COPS2: variants seen among roughly 807,000 people sequenced by gnomAD.
COPS2 encodes the protein COP9 signalosome complex subunit 2.
In COPS2, 10 loss-of-function variants were observed where a neutral mutation model predicts 66.1. That is an observed-to-expected ratio of 0.15 (90% confidence interval 0.09 to 0.26). COPS2 has a LOEUF of 0.26. Ranked by LOEUF, COPS2 falls within the 10% of genes least tolerant of loss-of-function variation. The pLI is 1.00. For missense variants in COPS2, 215 were observed against 513.3 expected (o/e 0.42, Z 5.62); for synonymous variants, 179 against 171.3 (o/e 1.04, Z -0.35).
At chr15:49,154,648 G>C (rs894628962) in intron 1 of COPS2, among the ~76,000 whole-genome samples, 2 of 152,098 alleles carry the variant, frequency 1.3e-5, no homozygotes, top group African/African-American at 4.8e-5. Flanking sequence ...GTTAATTCTG[G>C]ATCAAGATAA....
chr15:49,139,497 A>C, intron 4 of COPS2, 31 bp downstream of exon 4: 1 of 1,549,560 alleles, frequency 6.5e-7, no homozygotes, highest in Non-Finnish European at 8.9e-7. Flanking sequence ...AAACACACTG[A>C]TCGTCCCAAG....
chr15:49,150,987 A>G (rs1595827009), intron 1 of COPS2, among the ~76,000 whole-genome samples: 1 of 152,354 alleles, frequency 6.6e-6, no homozygotes, highest in East Asian at 1.9e-4. Context: ...AATCCCAACT[A>G]TGAGCTTGAC....
At position 49,133,746 on chromosome 15, in the gene COPS2, T is replaced by C. The variant is rs2141124726; in HGVS notation, c.947+13A>G. The C allele has an allele frequency of 1.3e-6, 2 of 1,582,340 alleles. No individual in the cohort carries two copies. The highest frequency in any genetic ancestry group is 1.2e-5 in the South Asian group (1 of 86,432). On this transcript the variant is annotated intron_variant, in intron 9 of 12. Transcript: ENST00000388901. ...TTAAGGAAATTTACCTTAACTGAAA[T>C]ACAAAATCTTACCTTACTAAATTCG...
At chr15:49,152,265 C>T (rs1419525465) in intron 1 of COPS2, among the ~76,000 whole-genome samples, 1 of 150,082 alleles carries the variant, frequency 6.7e-6, no homozygotes, top group Non-Finnish European at 1.5e-5. Context: ...TGGTAACCTG[C>T]TTCATTAATC....
At chr15:49,133,418 T>C (rs940497240) in intron 9 of COPS2, among the ~76,000 whole-genome samples, 3 of 152,258 alleles carry the variant, frequency 2.0e-5, no homozygotes, top group Non-Finnish European at 1.5e-5. Flanking sequence ...CGTAATTTCA[T>C]TCTGGATTAA....
intron 1 of COPS2, among the ~76,000 whole-genome samples, chr15:49,146,886 T>C (rs1453327129): frequency 6.6e-6 from 1 of 152,166 alleles, no homozygotes; most frequent in Admixed American, 6.5e-5. Flanking sequence ...TCCAACCTTA[T>C]CTCCTATCTA....
At position 49,126,330 on chromosome 15, in the gene COPS2, T is replaced by C. The variant is rs938838632; in HGVS notation, c.*1620A>G. On this transcript the variant is annotated 3_prime_UTR_variant, in exon 13 of 13. Transcript: ENST00000388901. The stretch of plus-strand genomic sequence containing the variant: ...ATTGCTTTTCTAAATCTAAGGATTA[T>C]ATATTTTTAGTATAAATATATATCA... The C allele has an allele frequency of 1.3e-5, 2 of 152,460 alleles. No individual in the cohort carries two copies. Among genetic ancestry groups the C allele is most frequent in the East Asian group, 3.8e-4 (2 of 5,200 alleles). 9.4% of individuals were successfully genotyped at this position (152,460 alleles called of 1,614,324 possible).
intron 10 of COPS2, among the ~76,000 whole-genome samples, chr15:49,130,204 C>T (rs547734904): frequency 4.6e-5 from 7 of 152,144 alleles, no homozygotes; most frequent in East Asian, 3.9e-4. Context: ...GTGGGAAAAT[C>T]GGAGCTATAA....
chr15:49,131,996 G>T (rs1311225747), intron 9 of COPS2, among the ~76,000 whole-genome samples: 1 of 152,038 alleles, frequency 6.6e-6, no homozygotes, highest in Non-Finnish European at 1.5e-5. Context: ...TTCTGATATA[G>T]GTCAGATAAA....
intron 1 of COPS2, among the ~76,000 whole-genome samples, chr15:49,151,372 C>T (rs2084359938): frequency 6.7e-6 from 1 of 149,206 alleles, no homozygotes; most frequent in South Asian, 2.1e-4. Flanking sequence ...TGCACTCCAG[C>T]CTAGGCGAAA....
Position 49,123,448 on chromosome 15 carries a change from T to G in COPS2, c.*4502A>C, listed in dbSNP as rs2084140177. 1 of 152,212 alleles carries G rather than the reference T, an allele frequency of 6.6e-6. No homozygotes were observed. The highest frequency in any genetic ancestry group is 1.5e-5 in the Non-Finnish European group (1 of 68,024). The allele number at this position is 152,212 out of a possible 1,614,324, so 9.4% of individuals were successfully genotyped here. On this transcript the variant is annotated 3_prime_UTR_variant, in exon 13 of 13. Coordinates refer to ENST00000388901, the MANE Select transcript of COPS2 (RefSeq NM_004236.4). ...CTTTTCATGGCATATGACATTTGCC[T>G]GTGTCAGAAATAAGTGATATTAAGT...
At position 49,128,688 on chromosome 15, in the gene COPS2, A is replaced by G. The variant is rs766996445; in HGVS notation, c.1187+14T>C. Reference sequence around the variant, plus strand: ...TACCAAATATTTTGTGATAAAAAATAGTAAAGTACTTACTTATCCAATATG... The same window carrying G: ...TACCAAATATTTTGTGATAAAAAATGGTAAAGTACTTACTTATCCAATATG... On this transcript the variant is annotated intron_variant, in intron 12 of 12. Transcript: ENST00000388901. The G allele has an allele frequency of 1.3e-6, 2 of 1,562,882 alleles. No individual in the cohort carries two copies. Among genetic ancestry groups the G allele is most frequent in the Non-Finnish European group, 1.7e-6 (2 of 1,143,760 alleles).
chr15:49,150,284 A>G (rs916256626), intron 1 of COPS2, among the ~76,000 whole-genome samples: 6 of 151,452 alleles, frequency 4.0e-5, no homozygotes, highest in Non-Finnish European at 7.4e-5. Context: ...AAAAAAATAA[A>G]TAAATAAATA....
chr15:49,134,313 T>C, intron 7 of COPS2, 27 bp downstream of exon 7: 1 of 1,606,588 alleles, frequency 6.2e-7, no homozygotes, highest in South Asian at 1.1e-5. Flanking sequence ...CCCATGCCAC[T>C]GCCCACCCTC....
intron 2 of COPS2, 128 bp from the exon 3 acceptor site, chr15:49,144,432 C>CA: frequency 1.7e-6 from 1 of 572,440 alleles, no homozygotes; most frequent in Non-Finnish European, 3.0e-6. Flanking sequence ...AGGATACCAC[C>CA]ATTTCTCAAT....
intron 1 of COPS2, among the ~76,000 whole-genome samples, chr15:49,148,543 G>A (rs1321568558): frequency 6.6e-6 from 1 of 152,154 alleles, no homozygotes; most frequent in Non-Finnish European, 1.5e-5. Flanking sequence ...TTATGTAAAG[G>A]GCTGATGAAA....
chr15:49,144,173 G>A (rs935117829), intron 3 of COPS2, 54 bp downstream of exon 3: 4 of 1,096,318 alleles, frequency 3.6e-6, no homozygotes, highest in Non-Finnish European at 5.6e-6. Flanking sequence ...TTGTCGTGAT[G>A]AGGTTTTTAC....
intron 1 of COPS2, among the ~76,000 whole-genome samples, chr15:49,150,998 TA>T (rs2084356854): frequency 6.6e-6 from 1 of 152,136 alleles, no homozygotes; most frequent in East Asian, 1.9e-4. Flanking sequence ...TGAGCTTGAC[TA>T]GGGGAATATA....
At position 49,125,839 on chromosome 15, in the gene COPS2, T is replaced by C. The variant is rs1287593527; in HGVS notation, c.*2111A>G. ...CCCAGTTTTCCAAATAACAAGTGCA[T>C]GCTTTCTCTCTAGAAAGTGGAAGAT... On this transcript the variant is annotated 3_prime_UTR_variant, in exon 13 of 13. Coordinates refer to ENST00000388901, the MANE Select transcript of COPS2 (RefSeq NM_004236.4). 6.6e-6 allele frequency: 1 copy of C among 152,138 alleles called. No homozygotes were observed. Among genetic ancestry groups the C allele is most frequent in the Non-Finnish European group, 1.5e-5 (1 of 67,950 alleles). The allele number at this position is 152,138 out of a possible 1,614,324, so 9.4% of individuals were successfully genotyped here. A position where few individuals can be genotyped will look rare whatever the true frequency, so the allele number is the denominator to read the frequency against.
Sources: gnomAD v4.1 joint callset for allele counts (sites outside exome capture counted in the v4.1 genomes callset) on GRCh38, gnomAD v4.1.1 for gene constraint, MANE v1.5 for transcripts, NCBI Gene and HGNC (gene_info 2026-07-23, HGNC 2026-07-21) for gene names.